The following ATP6V1C2 variants were observed in gnomAD, a reference collection of about 807,000 sequenced individuals.
The protein encoded by ATP6V1C2 is V-type proton ATPase subunit C 2.
In ATP6V1C2, 45 loss-of-function variants were observed where a neutral mutation model predicts 56.8. The ratio of observed to expected loss-of-function variants is 0.79; its 90% CI spans 0.62 to 1.02. The LOEUF (loss-of-function observed/expected upper bound fraction) is 1.02. Among genes scored for constraint, ATP6V1C2 ranks in the 50% least tolerant of loss-of-function variants. The pLI is 0.00. For missense variants in ATP6V1C2, 463 were observed against 519.7 expected (o/e 0.89, Z 1.06); for synonymous variants, 220 against 201.3 (o/e 1.09, Z -0.79).
chr2:10,724,386 G>A lies in ATP6V1C2; in HGVS notation c.129+1408G>A, dbSNP rs115348424. ...GGAAGCTGACTCTGGGGACAGGCTG[G>A]GAGAGGCTAAGTGTTGTCAGGCTGG... On this transcript the variant is annotated intron_variant, in intron 2 of 13. Coordinates refer to ENST00000272238, the MANE Select transcript of ATP6V1C2 (RefSeq NM_001039362.2). Among the ~76,000 whole-genome samples, 961 of 152,278 alleles carry A rather than the reference G, an allele frequency of 6.3e-3. 11 individuals carry two copies. Among genetic ancestry groups the A allele is most frequent in the African/African-American group, 0.023 (941 of 41,554 alleles).
In ATP6V1C2 at chr2:10,762,935, C is replaced by T. The variant is rs553435671; in HGVS notation, c.284-1396C>T. On this transcript the variant is annotated intron_variant, in intron 4 of 13. Transcript: ENST00000272238. ...TCCCCTGGAGCCTCCTCCACACCAGCCTCAGAGGACTCCCCCAGAGTGTGT... is the reference window on the plus strand; with the variant it reads ...TCCCCTGGAGCCTCCTCCACACCAGTCTCAGAGGACTCCCCCAGAGTGTGT... Among the ~76,000 whole-genome samples, 81 of 152,282 alleles carry T rather than the reference C, an allele frequency of 5.3e-4. 1 individual carries two copies. Among genetic ancestry groups the T allele is most frequent in the African/African-American group, 1.9e-3 (79 of 41,558 alleles).
intron 3 of ATP6V1C2, among the ~76,000 whole-genome samples, chr2:10,743,407 A>C (rs547435664): frequency 6.0e-5 from 9 of 149,702 alleles, no homozygotes; most frequent in Non-Finnish European, 1.3e-4. Context: ...ACCTGATCTC[A>C]TTCTGTTTTA....
At chr2:10,728,460 G>A (rs768833754) in intron 3 of ATP6V1C2, among the ~76,000 whole-genome samples, 2 of 152,128 alleles carry the variant, frequency 1.3e-5, no homozygotes, top group African/African-American at 4.8e-5. Context: ...CTTAGAGGTA[G>A]TTTCATATCA....
At chr2:10,765,008 A>G (rs910630565) in intron 5 of ATP6V1C2, among the ~76,000 whole-genome samples, 2 of 151,598 alleles carry the variant, frequency 1.3e-5, no homozygotes, top group Non-Finnish European at 1.5e-5. Flanking sequence ...TGGTGAAGGC[A>G]GCTCCCTCAT....
chr2:10,777,150 C>A (rs1665042949), intron 10 of ATP6V1C2, among the ~76,000 whole-genome samples: 1 of 152,236 alleles, frequency 6.6e-6, no homozygotes, highest in Non-Finnish European at 1.5e-5. Context: ...AACTCATCTC[C>A]TGCACTCTGC....
At chr2:10,725,382 A>C (rs1225659647) in intron 2 of ATP6V1C2, among the ~76,000 whole-genome samples, 2 of 151,886 alleles carry the variant, frequency 1.3e-5, no homozygotes, top group Non-Finnish European at 2.9e-5. Context: ...AAAAAATAAA[A>C]AACAACAACA....
chr2:10,736,181 C>T (rs756755301), intron 3 of ATP6V1C2, among the ~76,000 whole-genome samples: 7 of 152,030 alleles, frequency 4.6e-5, no homozygotes, highest in Non-Finnish European at 1.0e-4. Flanking sequence ...CCAGGTGATA[C>T]TGATGCTGCG....
At chr2:10,732,292 T>A (rs1661999137) in intron 3 of ATP6V1C2, among the ~76,000 whole-genome samples, 1 of 152,110 alleles carries the variant, frequency 6.6e-6, no homozygotes, top group African/African-American at 2.4e-5. Flanking sequence ...AGAGTCTTGC[T>A]CTACTGCCCA....
intron 3 of ATP6V1C2, among the ~76,000 whole-genome samples, chr2:10,736,878 C>G (rs1175546545): frequency 6.9e-6 from 1 of 144,098 alleles, no homozygotes; most frequent in Non-Finnish European, 1.5e-5. Flanking sequence ...TCTTGAGTAG[C>G]TGGGATTACA....
At chr2:10,772,367 G>A (rs535229386) in intron 7 of ATP6V1C2, among the ~76,000 whole-genome samples, 175 bp from the exon 8 acceptor site, 1 of 152,242 alleles carries the variant, frequency 6.6e-6, no homozygotes, top group East Asian at 1.9e-4. Context: ...TGTGGAGGCT[G>A]GGCAGGGGAT....
intron 11 of ATP6V1C2, 179 bp from the exon 12 acceptor site, chr2:10,778,393 G>C (rs575754349): frequency 2.1e-5 from 13 of 606,976 alleles, no homozygotes; most frequent in Non-Finnish European, 3.5e-5. Flanking sequence ...CCGGCACCAG[G>C]TGCCCTGGAC....
At chr2:10,726,712 C>T (rs1003663358) in intron 3 of ATP6V1C2, 143 bp downstream of exon 3, 2 of 733,914 alleles carry the variant, frequency 2.7e-6, no homozygotes, top group Non-Finnish European at 4.7e-6. Flanking sequence ...GATCAGTCCC[C>T]CTGCGGGTGC....
At position 10,722,975 on chromosome 2, in the gene ATP6V1C2, C is replaced by T; in HGVS notation, c.126C>T (p.Phe42=). ...ATACCAAATTCGCTATTCCTGACTTCAAGGTAAAATTCTTGGGGAGGAGTG... is the reference window on the plus strand; with the variant it reads ...ATACCAAATTCGCTATTCCTGACTTTAAGGTAAAATTCTTGGGGAGGAGTG... ...SYNTKFAIPD[F]KVGTLDSLVG... Residue 42 remains phenylalanine, a synonymous_variant, in exon 2 of 14, where the codon TTC becomes TTT. Transcript: ENST00000272238. 6.2e-7 allele frequency: 1 copy of T among 1,613,768 alleles called. No individual in the cohort carries two copies. Among genetic ancestry groups the T allele is most frequent in the Non-Finnish European group, 8.5e-7 (1 of 1,179,902 alleles).
intron 3 of ATP6V1C2, among the ~76,000 whole-genome samples, chr2:10,742,871 C>T (rs966542733): frequency 1.3e-5 from 2 of 152,134 alleles, no homozygotes; most frequent in South Asian, 4.1e-4. Context: ...GGCCCCTTCT[C>T]GCCTGATCCC....
intron 5 of ATP6V1C2, chr2:10,768,170 C>A (rs921267636): frequency 1.3e-5 from 2 of 153,656 alleles, no homozygotes; most frequent in East Asian, 3.9e-4. Flanking sequence ...CTGGCACAGT[C>A]GGCTCTCAGC....
intron 12 of ATP6V1C2, 101 bp from the exon 13 acceptor site, chr2:10,782,142 T>C (rs1665401483): frequency 7.1e-7 from 1 of 1,405,630 alleles, no homozygotes; most frequent in Non-Finnish European, 9.8e-7. Context: ...CTGTGTTGGT[T>C]GAAGCTTTTC....
chr2:10,739,968 G>C (rs1662457377), intron 3 of ATP6V1C2, among the ~76,000 whole-genome samples: 2 of 744 alleles, frequency 2.7e-3, no homozygotes, highest in Admixed American at 0.056. Context: ...TGGGCTTGGT[G>C]GTGGGCAAGC....
chr2:10,754,094 G>C, intron 4 of ATP6V1C2, 28 bp downstream of exon 4: 1 of 1,562,488 alleles, frequency 6.4e-7, no homozygotes, highest in Non-Finnish European at 8.7e-7. Context: ...CTGATGTGGA[G>C]CACAATCTCC....
intron 2 of ATP6V1C2, among the ~76,000 whole-genome samples, chr2:10,725,557 C>T (rs1053855542): frequency 5.5e-4 from 72 of 130,526 alleles, no homozygotes; most frequent in African/African-American, 2.0e-3. Flanking sequence ...TGCAGTGGTG[C>T]GATCTTGGCT....
Sources: gnomAD v4.1 joint callset for allele counts (sites outside exome capture counted in the v4.1 genomes callset) on GRCh38, gnomAD v4.1.1 for gene constraint, MANE v1.5 for transcripts, NCBI Gene and HGNC (gene_info 2026-07-23, HGNC 2026-07-21) for gene names.